The following CHRM3 variants were observed in gnomAD, a reference collection of about 807,000 sequenced individuals.
The protein encoded by CHRM3 is cholinergic receptor muscarinic 3.
CHRM3 carries 11 observed loss-of-function variants against 41.8 expected under a neutral mutation model. The ratio of observed to expected loss-of-function variants is 0.26; its 90% CI spans 0.17 to 0.44. CHRM3 has a LOEUF of 0.44. Ranked by LOEUF, CHRM3 falls within the 20% of genes least tolerant of loss-of-function variation. The pLI, the probability that CHRM3 is intolerant of heterozygous loss-of-function variation, is 1.00. For synonymous variants in CHRM3, 297 were observed against 301.4 expected, an observed-to-expected ratio of 0.99 and a Z score of 0.15; for missense variants, 571 against 745.4, an observed-to-expected ratio of 0.77 and a Z score of 2.72.
intron 5 of CHRM3, among the ~76,000 whole-genome samples, chr1:239,740,036 A>C (rs1664703734): frequency 6.6e-6 from 1 of 152,154 alleles, no homozygotes; most frequent in South Asian, 2.1e-4. Context: ...TAGAGAAGGA[A>C]TAGATTCCAA....
At chr1:239,830,259 T>G (rs1672788923) in intron 6 of CHRM3, among the ~76,000 whole-genome samples, 1 of 152,188 alleles carries the variant, frequency 6.6e-6, no homozygotes, top group African/African-American at 2.4e-5. Context: ...AAAGAGATAA[T>G]ACATGCAAAA....
intron 4 of CHRM3, among the ~76,000 whole-genome samples, chr1:239,646,724 A>G (rs1033413686): frequency 1.3e-5 from 2 of 152,116 alleles, no homozygotes; most frequent in Non-Finnish European, 2.9e-5. Context: ...GGTTATGAGG[A>G]TGAGGAAAGG....
chr1:239,753,599 C>G (rs1666008273), intron 5 of CHRM3, among the ~76,000 whole-genome samples: 1 of 152,140 alleles, frequency 6.6e-6, no homozygotes, highest in Non-Finnish European at 1.5e-5. Flanking sequence ...TCACCTCCCA[C>G]CAGGTCCCTT....
chr1:239,649,277 C>T (rs1672026521), intron 4 of CHRM3, among the ~76,000 whole-genome samples: 1 of 152,102 alleles, frequency 6.6e-6, no homozygotes, highest in South Asian at 2.1e-4. Context: ...GTGAAAGGCA[C>T]CATCTATGAA....
intron 5 of CHRM3, among the ~76,000 whole-genome samples, chr1:239,692,883 A>G (rs945095115): frequency 2.0e-5 from 3 of 152,210 alleles, no homozygotes; most frequent in African/African-American, 7.2e-5. Context: ...GGACCTGGCT[A>G]AAGAGAAGAC....
chr1:239,870,222 A>C (rs544686041), intron 6 of CHRM3, among the ~76,000 whole-genome samples: 1 of 152,304 alleles, frequency 6.6e-6, no homozygotes, highest in African/African-American at 2.4e-5. Context: ...AAACAGAGCA[A>C]GTCACATCTC....
At chr1:239,588,439 GCTC>G (rs1663662724) in intron 3 of CHRM3, among the ~76,000 whole-genome samples, 1 of 152,162 alleles carries the variant, frequency 6.6e-6, no homozygotes, top group South Asian at 2.1e-4. Context: ...CTCACTGAAT[GCTC>G]ATTAATTCAA....
chr1:239,541,361 A>G (rs1658758147), intron 2 of CHRM3, among the ~76,000 whole-genome samples: 1 of 152,166 alleles, frequency 6.6e-6, no homozygotes, highest in South Asian at 2.1e-4. Flanking sequence ...GAAATGAGGG[A>G]ATGTCGTTAC....
At chr1:239,884,944 G>C (rs1677948822) in intron 6 of CHRM3, among the ~76,000 whole-genome samples, 1 of 152,106 alleles carries the variant, frequency 6.6e-6, no homozygotes. Flanking sequence ...ACAGATGGAC[G>C]ACATGAGTCA....
chr1:239,562,580 T>G (rs9662820), intron 3 of CHRM3, among the ~76,000 whole-genome samples: 71,504 of 150,388 alleles, frequency 0.48, 17,235 homozygotes, highest in East Asian at 0.69. Context: ...TGATGATGAT[T>G]ATTATTATTA....
At chr1:239,581,040 T>C (rs1448318646) in intron 3 of CHRM3, among the ~76,000 whole-genome samples, 1 of 151,902 alleles carries the variant, frequency 6.6e-6, no homozygotes, top group Non-Finnish European at 1.5e-5. Context: ...ATTTTGTCAC[T>C]TTTAAAAAAA....
chr1:239,547,903 G>T (rs1659448279), intron 3 of CHRM3, among the ~76,000 whole-genome samples: 1 of 151,998 alleles, frequency 6.6e-6, no homozygotes, highest in Admixed American at 6.6e-5. Context: ...GGTTTATTAG[G>T]CCGATCAAGG....
At chr1:239,877,267 T>C (rs1182763868) in intron 6 of CHRM3, among the ~76,000 whole-genome samples, 1 of 152,160 alleles carries the variant, frequency 6.6e-6, no homozygotes, top group African/African-American at 2.4e-5. Flanking sequence ...AGTTAGGGGC[T>C]TCAGGGGAGC....
chr1:239,608,898 G>A (rs1212769778), intron 3 of CHRM3, among the ~76,000 whole-genome samples: 1 of 151,532 alleles, frequency 6.6e-6, no homozygotes, highest in Non-Finnish European at 1.5e-5. Context: ...TTAATTTTCT[G>A]TTTGCATACA....
At chr1:239,807,010 G>A (rs1220603627) in intron 5 of CHRM3, among the ~76,000 whole-genome samples, 1 of 152,138 alleles carries the variant, frequency 6.6e-6, no homozygotes, top group Non-Finnish European at 1.5e-5. Flanking sequence ...AGTTTTGATG[G>A]TGATAATAAT....
At chr1:239,900,565 T>C (rs539877266) in intron 6 of CHRM3, among the ~76,000 whole-genome samples, 1 of 152,168 alleles carries the variant, frequency 6.6e-6, no homozygotes, top group East Asian at 1.9e-4. Context: ...TCTTGTTTCC[T>C]GGCCCTATAG....
chr1:239,495,982 G>A (rs1026171358), intron 2 of CHRM3, among the ~76,000 whole-genome samples: 9 of 152,074 alleles, frequency 5.9e-5, no homozygotes, highest in African/African-American at 1.9e-4. Flanking sequence ...GAGGCCAGAG[G>A]GACCAGGAAT....
intron 5 of CHRM3, among the ~76,000 whole-genome samples, chr1:239,756,850 C>G (rs1055856550): frequency 6.6e-6 from 1 of 151,128 alleles, no homozygotes; most frequent in African/African-American, 2.5e-5. Flanking sequence ...CATAATTTTG[C>G]ATAATGCTTT....
At chr1:239,658,689 A>G (rs1448999249) in intron 4 of CHRM3, among the ~76,000 whole-genome samples, 2 of 152,192 alleles carry the variant, frequency 1.3e-5, no homozygotes, top group East Asian at 3.9e-4. Context: ...ATGAAAAGCA[A>G]CTATATACCT....
Sources: allele counts gnomAD v4.1 joint callset (sites outside exome capture counted in the v4.1 genomes callset), GRCh38; gene constraint gnomAD v4.1.1; transcripts MANE v1.5; gene names NCBI Gene and HGNC (gene_info 2026-07-23, HGNC 2026-07-21).